Variants in BFSP2 observed in about 807,000 individuals in gnomAD.
The protein encoded by BFSP2 is beaded filament structural protein 2.
A neutral mutation model predicts 44.9 loss-of-function variants in BFSP2; 38 were observed. The observed-to-expected ratio is 0.85, with a 90% CI of 0.65 to 1.11. The LOEUF is 1.11. Among genes scored for constraint, BFSP2 ranks in the 50% least tolerant of loss-of-function variants. The pLI is 0.00. For missense variants in BFSP2, 525 were observed against 533.0 expected (o/e 0.99, Z 0.15); for synonymous variants, 197 against 209.9 (o/e 0.94, Z 0.53).
Position 133,471,469 on chromosome 3 carries a change from A to C in BFSP2, c.1024-876A>C, listed in dbSNP as rs572561332. 1.3e-3 allele frequency among the ~76,000 whole-genome samples: 193 copies of C among 152,266 alleles called. 1 individual carries two copies. The highest frequency in any genetic ancestry group is 2.8e-3 in the Admixed American group (43 of 15,290). On this transcript the variant is annotated intron_variant, in intron 5 of 6. Coordinates refer to ENST00000302334, the MANE Select transcript of BFSP2 (RefSeq NM_003571.4). ...GGGTTCACCCGTTGAAGCATAGACTAGGGGGAGCCAGCAGGTTCAGGAGGC... is the reference window on the plus strand; with the variant it reads ...GGGTTCACCCGTTGAAGCATAGACTCGGGGGAGCCAGCAGGTTCAGGAGGC...
At chr3:133,444,022 A>C (rs1173728961) in intron 1 of BFSP2, among the ~76,000 whole-genome samples, 1 of 152,154 alleles carries the variant, frequency 6.6e-6, no homozygotes, top group Non-Finnish European at 1.5e-5. Flanking sequence ...AGAAAGAGAT[A>C]AAGTCCTCAC....
chr3:133,474,363 T>A (rs2074195382), intron 6 of BFSP2, among the ~76,000 whole-genome samples: 1 of 152,212 alleles, frequency 6.6e-6, no homozygotes, highest in Non-Finnish European at 1.5e-5. Flanking sequence ...GAGACAGCAC[T>A]GGGATGGGAG....
intron 1 of BFSP2, among the ~76,000 whole-genome samples, chr3:133,419,304 G>A (rs187837290): frequency 7.7e-4 from 118 of 152,280 alleles, no homozygotes; most frequent in Non-Finnish European, 1.4e-3. Flanking sequence ...GGGGAGGAAG[G>A]ACACGATTCA....
intron 1 of BFSP2, among the ~76,000 whole-genome samples, chr3:133,443,594 G>T (rs925734371): frequency 6.6e-6 from 1 of 152,194 alleles, no homozygotes; most frequent in East Asian, 1.9e-4. Flanking sequence ...TAATACGGTG[G>T]CCTTGTTATT....
chr3:133,401,089 G>A (rs531916098), intron 1 of BFSP2, among the ~76,000 whole-genome samples: 63 of 152,224 alleles, frequency 4.1e-4, no homozygotes, highest in African/African-American at 1.2e-3. Flanking sequence ...CTACAACCAC[G>A]CTGTTCAATA....
intron 1 of BFSP2, among the ~76,000 whole-genome samples, chr3:133,439,984 C>G (rs1238541987): frequency 2.0e-5 from 3 of 152,060 alleles, no homozygotes; most frequent in Admixed American, 2.0e-4. Context: ...CATTTTCCTA[C>G]TGCTGTGAAG....
At chr3:133,472,601 G>C in intron 6 of BFSP2, 36 bp downstream of exon 6, 1 of 1,590,338 alleles carries the variant, frequency 6.3e-7, no homozygotes, top group Middle Eastern at 2.3e-4. Flanking sequence ...TCCAAGAGAT[G>C]CATATTCATG....
At position 133,453,325 on chromosome 3, in the gene BFSP2, A is replaced by C. The variant is rs140942569; in HGVS notation, c.891+2861A>C. On this transcript the variant is annotated intron_variant, in intron 4 of 6. Transcript: ENST00000302334. ...GCTTTCAAAAGCTTTTGTAAAGAAA[A>C]TGCAAGCATGCATTTAATTACCTTT... Among the ~76,000 whole-genome samples the C allele has an allele frequency of 2.1e-3, 326 of 152,360 alleles. 1 individual carries two copies. Among genetic ancestry groups the C allele is most frequent in the African/African-American group, 7.6e-3 (318 of 41,578 alleles).
In BFSP2 at chr3:133,475,039, G is replaced by A. The variant is rs1044231691; in HGVS notation, c.*67G>A. ...CAACAGCTGACCCAAGAAGTTGCTT[G>A]AGGAGCTTTCTCCTGAGCTCCAGTC... On this transcript the variant is annotated 3_prime_UTR_variant, in exon 7 of 7. Coordinates refer to ENST00000302334, the MANE Select transcript of BFSP2 (RefSeq NM_003571.4). 5.6e-6 allele frequency: 9 copies of A among 1,596,476 alleles called. No individual in the cohort carries two copies. In the African/African-American group the frequency reaches 6.7e-5, roughly 12 times the overall value.
At chr3:133,430,873 C>CTCCACCGTGGTCCGCTCA (rs2073708871) in intron 1 of BFSP2, among the ~76,000 whole-genome samples, 1 of 152,072 alleles carries the variant, frequency 6.6e-6, no homozygotes, top group Non-Finnish European at 1.5e-5. Context: ...TGGTCCGCTC[C>CTCCACCGTGGTCCGCTCA]TTTTATCACC....
At chr3:133,421,031 T>C (rs759904818) in intron 1 of BFSP2, among the ~76,000 whole-genome samples, 16 of 152,228 alleles carry the variant, frequency 1.1e-4, no homozygotes, top group Admixed American at 2.0e-4. Context: ...CCCTGTTTCA[T>C]AGGATTGCTG....
chr3:133,400,559 G>T lies in BFSP2; in HGVS notation c.476G>T (p.Ser159Ile). 1 of 1,602,722 alleles carries T rather than the reference G, an allele frequency of 6.2e-7. No individual in the cohort carries two copies. The highest frequency in any genetic ancestry group is 8.5e-7 in the Non-Finnish European group (1 of 1,174,636). ...NWGALRASWA[S>I]SCQQVGEAVL... The stretch of plus-strand genomic sequence containing the variant: ...GGTGCCCTACGGGCTTCCTGGGCCA[G>T]CAGCTGCCAGCAGGTAAGTGTCCAG... Residue 159 changes from serine to isoleucine, a missense_variant, in exon 1 of 7, where the codon AGC becomes ATC. Ser to Ile is a moderately radical substitution (Grantham distance 142). Transcript: ENST00000302334. The surrounding 1 kb of genome is among the most constrained non-coding windows in gnomAD (Gnocchi z 4.0).
At chr3:133,414,958 C>CCCTCTACTCACCCCTGCCCTCTCT (rs2073501346) in intron 1 of BFSP2, among the ~76,000 whole-genome samples, 1 of 140,794 alleles carries the variant, frequency 7.1e-6, no homozygotes, top group African/African-American at 2.8e-5. Context: ...CTGCCATCTC[C>CCCTCTACTCACCCCTGCCCTCTCT]CCTCTACTCA....
intron 4 of BFSP2, among the ~76,000 whole-genome samples, chr3:133,456,984 T>C (rs1196119146): frequency 6.6e-6 from 1 of 151,922 alleles, no homozygotes; most frequent in Admixed American, 6.6e-5. Context: ...CTAGACTTTT[T>C]CTATTCTTGC....
intron 4 of BFSP2, among the ~76,000 whole-genome samples, chr3:133,466,167 C>CG (rs35325595): frequency 0.46 from 69,496 of 150,782 alleles, 17,277 homozygotes; most frequent in East Asian, 0.79. Flanking sequence ...TACCAAAGCA[C>CG]GGGGGGGGCA....
At chr3:133,465,046 C>T (rs2074097738) in intron 4 of BFSP2, among the ~76,000 whole-genome samples, 1 of 149,036 alleles carries the variant, frequency 6.7e-6, no homozygotes. Context: ...CTCACTGTCA[C>T]CCAGGCTGGA....
intron 4 of BFSP2, among the ~76,000 whole-genome samples, chr3:133,458,252 G>T (rs2074030948): frequency 6.6e-6 from 1 of 152,212 alleles, no homozygotes; most frequent in African/African-American, 2.4e-5. Flanking sequence ...TACTGTAGTT[G>T]TATGCTATAG....
chr3:133,422,000 G>A (rs142572401), intron 1 of BFSP2, among the ~76,000 whole-genome samples: 5,283 of 151,594 alleles, frequency 0.035, 313 homozygotes, highest in African/African-American at 0.12. Flanking sequence ...CCAGCTACTC[G>A]GGAGGCTGAG....
chr3:133,411,180 GA>G (rs10599643), intron 1 of BFSP2, among the ~76,000 whole-genome samples: 11,707 of 129,192 alleles, frequency 0.091, 833 homozygotes, highest in African/African-American at 0.24. Context: ...GTATAACACC[GA>G]AAAAAAAAAA....
Sources: gnomAD v4.1 joint callset for allele counts (sites outside exome capture counted in the v4.1 genomes callset) on GRCh38, gnomAD v4.1.1 for gene constraint, Gnocchi (gnomAD v3.1) non-coding constraint, MANE v1.5 for transcripts, NCBI Gene and HGNC (gene_info 2026-07-23, HGNC 2026-07-21) for gene names.